Variants in UHRF1 observed in about 807,000 individuals in gnomAD.
UHRF1 encodes ubiquitin like with PHD and ring finger domains 1.
Under a neutral mutation model 96.5 loss-of-function variants are expected in UHRF1, and 9 were observed. That is an observed-to-expected ratio of 0.09 (90% CI 0.06 to 0.16). The LOEUF (loss-of-function observed/expected upper bound fraction) is 0.16. Ranked by LOEUF, UHRF1 falls within the 10% of genes least tolerant of loss-of-function variation. UHRF1 has a pLI of 1.00. For synonymous variants in UHRF1, 455 were observed against 469.9 expected (o/e 0.97, Z 0.41); for missense variants, 626 against 1,131.1 (o/e 0.55, Z 6.40).
chr19:4,919,897 AC>A (rs2032648502), intron 2 of UHRF1, among the ~76,000 whole-genome samples: 1 of 150,328 alleles, frequency 6.7e-6, no homozygotes, highest in African/African-American at 2.5e-5. Context: ...AACTCACTGC[AC>A]CCTCCGCCTC....
rs1406495103 is a variant in UHRF1, at chr19:4,910,906, C to A, written c.21C>A (p.Thr7=). The A allele has an allele frequency of 6.2e-7, 1 of 1,612,748 alleles. No individual in the cohort carries two copies. Among genetic ancestry groups the A allele is most frequent in the East Asian group, 2.2e-5 (1 of 44,838 alleles). MWIQVR[T]MDGRQTHTVD... is the part of the protein sequence containing the mutation. ...ACACCATGTGGATCCAGGTTCGGACCATGGACGGGAGGCAGACCCACACGG... is the reference window on the plus strand; with the variant it reads ...ACACCATGTGGATCCAGGTTCGGACAATGGACGGGAGGCAGACCCACACGG... The change falls in exon 2 of 17, where the codon ACC becomes ACA. Residue 7 remains threonine, a synonymous_variant. Transcript: ENST00000650932.
intron 5 of UHRF1, among the ~76,000 whole-genome samples, chr19:4,941,085 G>GTTTTTTTTTTTTTT (rs869250736): frequency 8.0e-5 from 4 of 50,082 alleles, no homozygotes; most frequent in Admixed American, 2.9e-4. Context: ...TCTGTGTTTT[G>GTTTTTTTTTTTTTT]TTTTTTTTTT....
At chr19:4,952,038 G>A (rs1342149723) in intron 13 of UHRF1, among the ~76,000 whole-genome samples, 1 of 152,198 alleles carries the variant, frequency 6.6e-6, no homozygotes, top group Admixed American at 6.6e-5. Flanking sequence ...TGAGGAAGTA[G>A]AGAGAAAAAT....
At chr19:4,936,159 C>T (rs142854108) in intron 5 of UHRF1, among the ~76,000 whole-genome samples, 180 of 152,302 alleles carry the variant, frequency 1.2e-3, no homozygotes, top group Non-Finnish European at 2.0e-3. Context: ...TTGGGGCAGA[C>T]ACTGTCCCTT....
chr19:4,941,782 C>T lies in UHRF1; in HGVS notation c.924C>T (p.Asp308=), dbSNP rs776763707. The change falls in exon 7 of 17, where the codon GAC becomes GAT. Residue 308 remains aspartate (D), a synonymous_variant. Coordinates refer to ENST00000650932, the MANE Select transcript of UHRF1 (RefSeq NM_001048201.3). ...CGTCCTGCAAGCACTGCAAGGACGA[C>T]GTGAACAGACTCTGCCGGGTCTGCG... ...SGPSCKHCKD[D]VNRLCRVCAC... The T allele has an allele frequency of 5.1e-6, 8 of 1,568,788 alleles. No individual in the cohort carries two copies. The East Asian group carries it at 1.4e-4, about 27-fold the overall frequency.
chr19:4,926,825 AAG>A (rs2146322077), intron 2 of UHRF1, among the ~76,000 whole-genome samples: 1 of 151,720 alleles, frequency 6.6e-6, no homozygotes, highest in South Asian at 2.1e-4. Flanking sequence ...GGCACTTTGG[AAG>A]GTTGAGGTGG....
At chr19:4,943,052 A>T (rs541070884) in intron 7 of UHRF1, among the ~76,000 whole-genome samples, 1 of 151,946 alleles carries the variant, frequency 6.6e-6, no homozygotes, top group African/African-American at 2.4e-5. Flanking sequence ...AGCCTGGCCA[A>T]GATGGTGAAA....
chr19:4,929,383 C>G lies in UHRF1; in HGVS notation c.315C>G (p.Asp105Glu). ...GCTGCCTGGGCCAGAGTGAGTCAGA[C>G]AAGTCCTCCACCCACGGTGAGGCGG... The part of the protein sequence containing the change: ...SGCCLGQSES[D>E]KSSTHGEAAA... The change falls in exon 3 of 17, where the codon GAC becomes GAG. Residue 105 changes from aspartate (D) to glutamate (E), a missense_variant. Coordinates refer to ENST00000650932, the MANE Select transcript of UHRF1 (RefSeq NM_001048201.3). The G allele has an allele frequency of 6.2e-7, 1 of 1,613,800 alleles. No individual in the cohort carries two copies. The highest frequency in any genetic ancestry group is 8.5e-7 in the Non-Finnish European group (1 of 1,179,876).
At chr19:4,942,032 A>G in intron 7 of UHRF1, 101 bp downstream of exon 7, 1 of 1,264,248 alleles carries the variant, frequency 7.9e-7, no homozygotes, top group Non-Finnish European at 1.0e-6. Flanking sequence ...GCGGGGGCTC[A>G]CGCCTGCAAT....
At chr19:4,943,090 G>A (rs1376652770) in intron 7 of UHRF1, among the ~76,000 whole-genome samples, 2 of 151,556 alleles carry the variant, frequency 1.3e-5, no homozygotes, top group Non-Finnish European at 2.9e-5. Flanking sequence ...ATACAAAAAA[G>A]TTAGCCAGGC....
chr19:4,911,178 G>A (rs950700641), intron 2 of UHRF1, 140 bp downstream of exon 2: 8 of 807,400 alleles, frequency 9.9e-6, no homozygotes, highest in Non-Finnish European at 1.5e-5. Context: ...GGAAGGAGAA[G>A]TCCACAGAAA....
chr19:4,936,908 C>T (rs1465829731), intron 5 of UHRF1, among the ~76,000 whole-genome samples: 2 of 152,050 alleles, frequency 1.3e-5, no homozygotes, highest in African/African-American at 4.8e-5. Context: ...TGTGTTATCA[C>T]AACTGGAATA....
intron 2 of UHRF1, among the ~76,000 whole-genome samples, chr19:4,916,158 T>C (rs1257170900): frequency 6.6e-6 from 1 of 151,934 alleles, no homozygotes; most frequent in African/African-American, 2.4e-5. Context: ...AAATGAAAAT[T>C]AGCCGGGCAT....
rs1260215639 is a variant in UHRF1 at position 4,962,093 on chromosome 19, T to C, written c.*1290T>C. Reference sequence around the variant, plus strand: ...ATGAGACAATTTTGTGTAGGCTTTTTCTAAAGTCCAGTACTTTGTCCAGAT... The same window carrying C: ...ATGAGACAATTTTGTGTAGGCTTTTCCTAAAGTCCAGTACTTTGTCCAGAT... On this transcript the variant is annotated 3_prime_UTR_variant, in exon 17 of 17. Transcript: ENST00000650932. The C allele has an allele frequency of 6.7e-6, 1 of 148,524 alleles. No individual in the cohort carries two copies. The highest frequency in any genetic ancestry group is 1.5e-5 in the Non-Finnish European group (1 of 66,490). The allele number at this position is 148,524 out of a possible 1,614,324, so 9.2% of individuals were successfully genotyped here. A position where few individuals can be genotyped will look rare whatever the true frequency, so the allele number is the denominator to read the frequency against.
intron 16 of UHRF1, among the ~76,000 whole-genome samples, chr19:4,958,610 C>T (rs947469948): frequency 2.0e-5 from 3 of 152,240 alleles, no homozygotes; most frequent in Non-Finnish European, 4.4e-5. Context: ...TCTGTTCCAA[C>T]TTGGGAAGCT....
intron 16 of UHRF1, 126 bp downstream of exon 16, chr19:4,956,939 T>A: frequency 1.4e-6 from 1 of 716,018 alleles, no homozygotes; most frequent in East Asian, 2.7e-5. Context: ...CTGCAGCTTT[T>A]CTCGGGGCCC....
intron 2 of UHRF1, among the ~76,000 whole-genome samples, chr19:4,921,646 C>T (rs1055046427): frequency 2.0e-4 from 30 of 151,676 alleles, no homozygotes; most frequent in Non-Finnish European, 1.5e-5. Context: ...GTCCCAGTTA[C>T]TTGGAGGGGC....
chr19:4,917,838 A>T (rs764763956), intron 2 of UHRF1, among the ~76,000 whole-genome samples: 2 of 151,630 alleles, frequency 1.3e-5, no homozygotes, highest in Non-Finnish European at 2.9e-5. Context: ...ATTTTTATTA[A>T]TTGAAAAAAC....
At chr19:4,907,172 C>A (rs1012822923), upstream of UHRF1, among the ~76,000 whole-genome samples, 2 of 152,170 alleles carry the variant, frequency 1.3e-5, no homozygotes, top group African/African-American at 4.8e-5. Flanking sequence ...TACACTGGCT[C>A]GATCTTGGCT....
Sources: gnomAD v4.1 joint callset for allele counts (sites outside exome capture counted in the v4.1 genomes callset) on GRCh38, gnomAD v4.1.1 for gene constraint, MANE v1.5 for transcripts, NCBI Gene and HGNC (gene_info 2026-07-23, HGNC 2026-07-21) for gene names.